The following ATP10D variants were observed in gnomAD, a reference collection of about 807,000 sequenced individuals.
ATP10D encodes the protein ATPase phospholipid transporting 10D (putative), also known as phospholipid-transporting ATPase VD.
In ATP10D, 89 loss-of-function variants were observed where a neutral mutation model predicts 144.8. The ratio of observed to expected loss-of-function variants is 0.61; its 90% CI spans 0.52 to 0.73. The LOEUF (loss-of-function observed/expected upper bound fraction) is 0.73. ATP10D is among the 30% of genes least tolerant of loss of function. The pLI is 0.00. For missense variants in ATP10D, 1,603 were observed against 1,714.8 expected (o/e 0.93, Z 1.15); for synonymous variants, 571 against 615.1 (o/e 0.93, Z 1.06).
intron 1 of ATP10D, among the ~76,000 whole-genome samples, 152 bp from the exon 2 acceptor site, chr4:47,512,352 A>T (rs1233316976): frequency 6.6e-6 from 1 of 152,236 alleles, no homozygotes; most frequent in Non-Finnish European, 1.5e-5. Flanking sequence ...TTATTTGGTT[A>T]AAATGGAGTT....
intron 22 of ATP10D, among the ~76,000 whole-genome samples, chr4:47,590,454 A>G (rs1366314783): frequency 1.3e-5 from 2 of 152,144 alleles, no homozygotes; most frequent in African/African-American, 4.8e-5. Context: ...TGTGATTCCT[A>G]GATCTCCTCA....
chr4:47,499,109 G>A (rs1204917410), intron 1 of ATP10D, among the ~76,000 whole-genome samples: 3 of 152,226 alleles, frequency 2.0e-5, no homozygotes, highest in Admixed American at 2.0e-4. Flanking sequence ...TCTGAAGCTT[G>A]GCCACATACA....
chr4:47,511,514 T>C (rs1716325602), intron 1 of ATP10D, among the ~76,000 whole-genome samples: 1 of 152,176 alleles, frequency 6.6e-6, no homozygotes. Context: ...TATTTTTGTT[T>C]TGATTAACAA....
At chr4:47,539,898 T>A (rs1238170808) in intron 9 of ATP10D, among the ~76,000 whole-genome samples, 1 of 152,200 alleles carries the variant, frequency 6.6e-6, no homozygotes. Flanking sequence ...CAAGTGAGTA[T>A]TTTTCGTTTA....
At chr4:47,486,546 C>T (rs144323598) in intron 1 of ATP10D, among the ~76,000 whole-genome samples, 2,315 of 152,312 alleles carry the variant, frequency 0.015, 34 homozygotes, top group Non-Finnish European at 0.022. Context: ...TCATCGAAAA[C>T]CCTTGCTGAC....
At chr4:47,502,890 C>T (rs1190116916) in intron 1 of ATP10D, among the ~76,000 whole-genome samples, 4 of 152,110 alleles carry the variant, frequency 2.6e-5, no homozygotes, top group African/African-American at 7.2e-5. Context: ...TCTAATTTGA[C>T]TCTCCATCAG....
At chr4:47,574,778 T>C (rs1181660894) in intron 18 of ATP10D, among the ~76,000 whole-genome samples, 1 of 152,052 alleles carries the variant, frequency 6.6e-6, no homozygotes, top group Non-Finnish European at 1.5e-5. Flanking sequence ...TGAGACACTT[T>C]ACAGATCATG....
Position 47,491,421 on chromosome 4 carries a change from A to G in ATP10D, c.-38+5902A>G, listed in dbSNP as rs1715077416. ...ATGTTTTCTAAAAGGCCTAGAGAAC[A>G]TGTATGGGGTGCCGCTCCTCTTTCC... is the stretch of plus-strand genomic sequence containing the variant. On this transcript the variant is annotated intron_variant, in intron 1 of 22. Transcript: ENST00000273859. The G allele has an allele frequency of 4.2e-6, 3 of 721,514 alleles. No individual in the cohort carries two copies. In the Admixed American group the frequency reaches 5.3e-5, roughly 13 times the overall value. The allele number at this position is 721,514 out of a possible 1,614,324, so 44.7% of individuals were successfully genotyped here. A position where few individuals can be genotyped will look rare whatever the true frequency, so the allele number is the denominator to read the frequency against.
At chr4:47,545,644 C>T (rs1718375370) in intron 9 of ATP10D, among the ~76,000 whole-genome samples, 5 of 152,198 alleles carry the variant, frequency 3.3e-5, no homozygotes, top group Admixed American at 1.3e-4. Flanking sequence ...GCTTAAGTAA[C>T]TGTGTAAGTC....
intron 1 of ATP10D, among the ~76,000 whole-genome samples, chr4:47,495,539 A>G (rs1715308112): frequency 6.6e-6 from 1 of 152,168 alleles, no homozygotes; most frequent in Non-Finnish European, 1.5e-5. Flanking sequence ...CACTGAAAAA[A>G]TTAAAATCTG....
At chr4:47,527,678 G>A (rs1465882294) in intron 5 of ATP10D, among the ~76,000 whole-genome samples, 3 of 152,232 alleles carry the variant, frequency 2.0e-5, no homozygotes, top group Non-Finnish European at 2.9e-5. Flanking sequence ...ATAATTTTGT[G>A]AAAAGATGCA....
At chr4:47,566,056 A>T (rs1038063676) in intron 15 of ATP10D, among the ~76,000 whole-genome samples, 1 of 152,236 alleles carries the variant, frequency 6.6e-6, no homozygotes, top group South Asian at 2.1e-4. Context: ...CTCAGGAATC[A>T]CTAAGAGTTT....
chr4:47,498,204 A>G (rs745558933), intron 1 of ATP10D, among the ~76,000 whole-genome samples: 1 of 152,224 alleles, frequency 6.6e-6, no homozygotes, highest in South Asian at 2.1e-4. Context: ...CCACTGTGCT[A>G]CTTACCTCTC....
chr4:47,491,161 C>T (rs920873509), intron 1 of ATP10D: 19 of 739,264 alleles, frequency 2.6e-5, no homozygotes, highest in South Asian at 2.1e-4. Flanking sequence ...GAAGGTATCT[C>T]GCCTATTAGA....
At chr4:47,491,162 G>A (rs1029673169) in intron 1 of ATP10D, 34 of 737,826 alleles carry the variant, frequency 4.6e-5, no homozygotes, top group South Asian at 6.8e-5. Flanking sequence ...AAGGTATCTC[G>A]CCTATTAGAG....
intron 22 of ATP10D, among the ~76,000 whole-genome samples, chr4:47,588,749 C>T (rs1410182927): frequency 6.6e-6 from 1 of 152,198 alleles, no homozygotes; most frequent in Non-Finnish European, 1.5e-5. Flanking sequence ...ATAGTGCTCA[C>T]TGCTATTGCC....
intron 21 of ATP10D, 60 bp from the exon 22 acceptor site, chr4:47,586,959 G>A (rs565195980): frequency 5.9e-5 from 88 of 1,489,208 alleles, no homozygotes; most frequent in African/African-American, 3.6e-4. Flanking sequence ...AGATTTGTCC[G>A]GGTGGCAATA....
chr4:47,542,500 GAGA>G (rs1001627746), intron 9 of ATP10D, among the ~76,000 whole-genome samples: 4 of 151,918 alleles, frequency 2.6e-5, no homozygotes, highest in African/African-American at 9.7e-5. Context: ...TTCCTTTTTT[GAGA>G]AGGAGTCTAG....
At chr4:47,582,165 G>A in intron 21 of ATP10D, 101 bp downstream of exon 21, 4 of 949,576 alleles carry the variant, frequency 4.2e-6, no homozygotes, top group Non-Finnish European at 6.7e-6. Flanking sequence ...AATGAGAAGA[G>A]TAATGAATCT....
Sources: gnomAD v4.1 joint callset for allele counts (sites outside exome capture counted in the v4.1 genomes callset) on GRCh38, gnomAD v4.1.1 for gene constraint, MANE v1.5 for transcripts, NCBI Gene and HGNC (gene_info 2026-07-23, HGNC 2026-07-21) for gene names.